Variants in LAMA5 observed in about 807,000 individuals in gnomAD.
The protein encoded by LAMA5 is laminin subunit alpha 5, also known as laminin subunit alpha-5.
In LAMA5, 260 loss-of-function variants were observed where a neutral mutation model predicts 433.4. The ratio of observed to expected loss-of-function variants is 0.60; its 90% CI spans 0.54 to 0.66. The LOEUF (loss-of-function observed/expected upper bound fraction) is 0.66. LAMA5 is among the 30% of genes least tolerant of loss of function. The pLI, the probability that LAMA5 is intolerant of heterozygous loss-of-function variation, is 0.00. For missense variants in LAMA5, 5,378 were observed against 5,258.5 expected, an observed-to-expected ratio of 1.02 and a Z score of -0.70; for synonymous variants, 2,620 against 2,226.6, an observed-to-expected ratio of 1.18 and a Z score of -4.97.
chr20:62,340,838 C>CA (rs1381665481), intron 11 of LAMA5, among the ~76,000 whole-genome samples: 1 of 151,618 alleles, frequency 6.6e-6, no homozygotes, highest in Non-Finnish European at 1.5e-5. Context: ...AGTTCGAGAT[C>CA]AGCCTGGCCA....
In LAMA5 at chr20:62,318,850, T is replaced by C; in HGVS notation, c.7035A>G (p.Ala2345=). ...QAAAEAELAA[A]QRLLARVQEQ... ...AGGGACAACACCACTCACATCTCTG[T>C]GCTGCAGCCAACTCAGCCTCAGCTG... Residue 2345 remains alanine (A), a synonymous_variant, in exon 52 of 80, where the codon GCA becomes GCG. Transcript: ENST00000252999. 6.2e-7 allele frequency: 1 copy of C among 1,610,222 alleles called. No homozygotes were observed. Among genetic ancestry groups the C allele is most frequent in the East Asian group, 2.2e-5 (1 of 44,858 alleles).
In LAMA5 at chr20:62,340,286, T is replaced by C. The variant is rs1204346487; in HGVS notation, c.1478-1678A>G. ...AAGGGTACTGTGGGTTTGAAGAGCA[T>C]AATGAACAAGCCTCCTTTGTTTTTT... is the stretch of plus-strand genomic sequence containing the variant. On this transcript the variant is annotated intron_variant, in intron 11 of 79. Coordinates refer to ENST00000252999, the MANE Select transcript of LAMA5 (RefSeq NM_005560.6). Among the ~76,000 whole-genome samples, 4 of 146,588 alleles carry C rather than the reference T, an allele frequency of 2.7e-5. No individual in the cohort carries two copies. The South Asian group carries it at 8.7e-4, about 32-fold the overall frequency.
At chr20:62,339,617 G>GT (rs11204471) in intron 11 of LAMA5, among the ~76,000 whole-genome samples, 118,585 of 152,080 alleles carry the variant, frequency 0.78, 49,058 homozygotes, top group East Asian at 0.94. Flanking sequence ...GCACGCTTCA[G>GT]TTTTGTTACT....
At position 62,312,772 on chromosome 20, in the gene LAMA5, C is replaced by A; in HGVS notation, c.9087G>T (p.Val3029=). The change falls in exon 67 of 80, where the codon GTG becomes GTT. Residue 3029 remains valine, a synonymous_variant. Transcript: ENST00000252999. The part of the protein sequence containing the change: ...PLTSASKAIQ[V]FLLGGSRKRV... ...GCTTGCGGCTGCCCCCCAGCAGGAA[C>A]ACCTGGATCTACAGGACCAGTGGGG... 1 of 1,591,252 alleles carries A rather than the reference C, an allele frequency of 6.3e-7. No homozygotes were observed. The highest frequency in any genetic ancestry group is 1.1e-5 in the South Asian group (1 of 88,768).
chr20:62,318,513 C>A lies in LAMA5; in HGVS notation c.7180G>T (p.Ala2394Ser), dbSNP rs201803841. The A allele has an allele frequency of 1.9e-6, 3 of 1,609,212 alleles. No individual in the cohort carries two copies. The highest frequency in any genetic ancestry group is 3.3e-4 in the Middle Eastern group (2 of 6,056). Residue 2394 changes from alanine (A) to serine (S), a missense_variant, in exon 53 of 80, where the codon GCC (alanine) becomes TCC (serine). Physicochemically the swap from Ala to Ser is moderately conservative, Grantham distance 99. Coordinates refer to ENST00000252999, the MANE Select transcript of LAMA5 (RefSeq NM_005560.6). ...LREALNRAVD[A>S]TREAQELNSR... The stretch of plus-strand genomic sequence containing the variant: ...TTGAGCTCCTGGGCCTCCCGTGTGG[C>A]GTCCACTGCCCGGTTCAAAGCCTCT...
Position 62,329,875 on chromosome 20 carries a change from G to A in LAMA5, c.4021C>T (p.Arg1341Cys), listed in dbSNP as rs1284349553. 1.9e-6 allele frequency: 3 copies of A among 1,610,982 alleles called. No homozygotes were observed. The highest frequency in any genetic ancestry group is 1.1e-5 in the South Asian group (1 of 91,028). Residue 1341 changes from arginine to cysteine, a missense_variant, in exon 32 of 80, where the codon CGC becomes TGC. By Grantham distance (180) the Arg-to-Cys change is radical. Transcript: ENST00000252999. ...TGGCCCTCACACACCACCAGGGTGCGGCAGCCGTAGCCATGTGGACAGAAG... is the reference window on the plus strand; with the variant it reads ...TGGCCCTCACACACCACCAGGGTGCAGCAGCCGTAGCCATGTGGACAGAAG... ...ASFCPHGYGC[R>C]TLVVCEGQAL...
At chr20:62,349,395 G>A (rs147366173) in intron 6 of LAMA5, among the ~76,000 whole-genome samples, 359 of 150,034 alleles carry the variant, frequency 2.4e-3, no homozygotes, top group African/African-American at 8.4e-3. Context: ...TGGAGAAGAA[G>A]ATGACCCACA....
In LAMA5 at chr20:62,359,544, C is replaced by T. The variant is rs571060268; in HGVS notation, c.450+2856G>A. Among the ~76,000 whole-genome samples, 3 of 152,166 alleles carry T rather than the reference C, an allele frequency of 2.0e-5. No individual in the cohort carries two copies. Among genetic ancestry groups the T allele is most frequent in the South Asian group, 2.1e-4 (1 of 4,818 alleles). On this transcript the variant is annotated intron_variant, in intron 2 of 79. Coordinates refer to ENST00000252999, the MANE Select transcript of LAMA5 (RefSeq NM_005560.6). The surrounding 1 kb of genome is among the most constrained non-coding windows in gnomAD (Gnocchi z 4.3). Reference sequence around the variant, plus strand: ...AGGAGCCTGAGGCCAGTGATGTGGCCGCTCAGTTCCAGAAGCTTCCGGAGG... The same window carrying T: ...AGGAGCCTGAGGCCAGTGATGTGGCTGCTCAGTTCCAGAAGCTTCCGGAGG...
At chr20:62,319,375 G>A (rs1601306234) in intron 51 of LAMA5, among the ~76,000 whole-genome samples, 2 of 151,914 alleles carry the variant, frequency 1.3e-5, no homozygotes, top group South Asian at 4.2e-4. Flanking sequence ...GGCTCAGGGA[G>A]CCAAATCTCT....
Position 62,346,985 on chromosome 20 carries a change from C to T in LAMA5, c.1000G>A (p.Asp334Asn), listed in dbSNP as rs780538154. Residue 334 changes from aspartate to asparagine, a missense_variant, in exon 7 of 80, where the codon GAC (aspartate) becomes AAC (asparagine). Coordinates refer to ENST00000252999, the MANE Select transcript of LAMA5 (RefSeq NM_005560.6). ...CQHNTCGGTC[D>N]RCCPGFNQQP... The stretch of plus-strand genomic sequence containing the variant: ...TGATTGAAGCCGGGGCAGCAGCGGT[C>T]GCAGGTGCCCCCGCAGGTGTTGTGC... 1.6e-5 allele frequency: 25 copies of T among 1,612,328 alleles called. No individual in the cohort carries two copies. The highest frequency in any genetic ancestry group is 2.7e-5 in the African/African-American group (2 of 74,914).
rs755626810 is a variant in LAMA5, at chr20:62,326,934, T to A, written c.5145A>T (p.Glu1715Asp). 1.2e-5 allele frequency: 19 copies of A among 1,611,364 alleles called. 2 individuals carry two copies. Among genetic ancestry groups the A allele is most frequent in the Admixed American group, 6.7e-5 (4 of 59,930 alleles). The change falls in exon 39 of 80, where the codon GAA (glutamate) becomes GAT (aspartate). Residue 1715 changes from glutamate to aspartate, a missense_variant. Coordinates refer to ENST00000252999, the MANE Select transcript of LAMA5 (RefSeq NM_005560.6). ...CTCCCCGCTGGGTCTCTGAGTGCAGTTCATAACGGAGGGTCCCACCGTAGG... is the reference window on the plus strand; with the variant it reads ...CTCCCCGCTGGGTCTCTGAGTGCAGATCATAACGGAGGGTCCCACCGTAGG... ...VSSYGGTLRYELHSETQRGDV... is the reference protein window; with the variant it reads ...VSSYGGTLRYDLHSETQRGDV...
At position 62,309,267 on chromosome 20, in the gene LAMA5, T is replaced by C. The variant is rs570107924; in HGVS notation, c.*69A>G. The C allele has an allele frequency of 2.0e-6, 3 of 1,498,620 alleles. No homozygotes were observed. Among genetic ancestry groups the C allele is most frequent in the Admixed American group, 3.7e-5 (2 of 53,648 alleles). The allele number at this position is 1,498,620 out of a possible 1,614,324, so 92.8% of individuals were successfully genotyped here. On this transcript the variant is annotated 3_prime_UTR_variant, in exon 80 of 80. Transcript: ENST00000252999. ...AGCTTAGAGTCCAAATAGACACCTA[T>C]GAGGCGAGCACAAGGGGCGGTGTGA...
intron 20 of LAMA5, 137 bp from the exon 21 acceptor site, chr20:62,334,758 C>CTCAGGGCTCA: frequency 1.9e-6 from 1 of 519,438 alleles, no homozygotes; most frequent in African/African-American, 3.6e-5. Flanking sequence ...GGGCTCAGGG[C>CTCAGGGCTCA]GAGGGCGAGG....
chr20:62,324,093 C>T lies in LAMA5; in HGVS notation c.5755G>A (p.Val1919Met). The T allele has an allele frequency of 6.6e-7, 1 of 1,515,708 alleles. No homozygotes were observed. The highest frequency in any genetic ancestry group is 2.3e-5 in the East Asian group (1 of 43,050). 93.9% of individuals were successfully genotyped at this position (1,515,708 alleles called of 1,614,324 possible). A position where few individuals can be genotyped will look rare whatever the true frequency, so the allele number is the denominator to read the frequency against. The change falls in exon 43 of 80, where the codon GTG (valine) becomes ATG (methionine). Residue 1919 changes from valine (V) to methionine (M), a missense_variant. Val to Met is a conservative substitution (Grantham distance 21). Coordinates refer to ENST00000252999, the MANE Select transcript of LAMA5 (RefSeq NM_005560.6). The surrounding 1 kb of genome is among the most constrained non-coding windows in gnomAD (Gnocchi z 4.4). ...AGGCTGGCTTACTTGTTGGAAGGCA[C>T]TGAGAGGGGGCAGGGGCAGCTGACA... ...PCVSCPCPLSVPSNNFAEGCV... is the reference protein window; with the variant it reads ...PCVSCPCPLSMPSNNFAEGCV...
Position 62,335,081 on chromosome 20 carries a change from AGGC to A in LAMA5, c.2419_2421del (p.Ala807del). 6.2e-7 allele frequency: 1 copy of A among 1,613,040 alleles called. No homozygotes were observed. Among genetic ancestry groups the A allele is most frequent in the South Asian group, 1.1e-5 (1 of 91,084 alleles). ...AAGAAGCCATCCTTGCAGGACGCGC[AGGC>A]CTGGCCGCACACGTGGGGCTTGCAG... On this transcript the variant is annotated inframe_deletion, in exon 20 of 80. Coordinates refer to ENST00000252999, the MANE Select transcript of LAMA5 (RefSeq NM_005560.6).
chr20:62,351,662 G>A (rs781572690), intron 6 of LAMA5, 42 bp downstream of exon 6: 7 of 1,582,160 alleles, frequency 4.4e-6, no homozygotes, highest in African/African-American at 1.3e-5. Context: ...GGAGCTGGGG[G>A]GGGCCTCACC....
intron 48 of LAMA5, among the ~76,000 whole-genome samples, chr20:62,321,699 G>A (rs1392689362): frequency 1.1e-5 from 1 of 87,620 alleles, no homozygotes; most frequent in African/African-American, 4.2e-5. Context: ...GGTCAGTGGG[G>A]GAGGCAGGGC....
intron 45 of LAMA5, 31 bp from the exon 46 acceptor site, chr20:62,322,789 G>T (rs146803074): frequency 7.3e-7 from 1 of 1,374,066 alleles, no homozygotes; most frequent in Non-Finnish European, 9.6e-7. Flanking sequence ...TGCAGCCCTG[G>T]GCCCTCTCAC....
intron 1 of LAMA5, among the ~76,000 whole-genome samples, chr20:62,363,382 G>A (rs1040960040): frequency 1.3e-5 from 2 of 152,198 alleles, no homozygotes; most frequent in East Asian, 1.9e-4. Flanking sequence ...TGGGGCCACC[G>A]TGAGGAGTAA....
Sources: gnomAD v4.1 joint callset for allele counts (sites outside exome capture counted in the v4.1 genomes callset) on GRCh38, gnomAD v4.1.1 for gene constraint, Gnocchi (gnomAD v3.1) non-coding constraint, MANE v1.5 for transcripts, NCBI Gene and HGNC (gene_info 2026-07-23, HGNC 2026-07-21) for gene names.